The following KCTD16 variants were observed in gnomAD, a reference collection of about 807,000 sequenced individuals.
KCTD16 encodes BTB/POZ domain-containing protein KCTD16.
A neutral mutation model predicts 33.2 loss-of-function variants in KCTD16; 13 were observed. That is an observed-to-expected ratio of 0.39 (90% CI 0.25 to 0.62). The LOEUF (loss-of-function observed/expected upper bound fraction) is 0.62, where lower values mean the gene tolerates loss of function less well. Ranked by LOEUF, KCTD16 falls within the 20% of genes least tolerant of loss-of-function variation. The pLI is 0.50. For missense variants in KCTD16, 441 were observed against 525.1 expected (o/e 0.84, Z 1.57); for synonymous variants, 197 against 195.3 (o/e 1.01, Z -0.07).
At chr5:144,376,758 T>C (rs904559548) in intron 3 of KCTD16, among the ~76,000 whole-genome samples, 12 of 152,212 alleles carry the variant, frequency 7.9e-5, no homozygotes, top group African/African-American at 2.9e-4. Context: ...GGCTTTCTAA[T>C]GGAAACTGAT....
At chr5:144,299,183 T>TTA (rs1424083028) in intron 3 of KCTD16, among the ~76,000 whole-genome samples, 1 of 129,332 alleles carries the variant, frequency 7.7e-6, no homozygotes, top group Non-Finnish European at 1.6e-5. Flanking sequence ...CACTGAGCTG[T>TTA]TTAATGTTGC....
chr5:144,344,337 A>G (rs1160100250), intron 3 of KCTD16, among the ~76,000 whole-genome samples: 1 of 147,352 alleles, frequency 6.8e-6, no homozygotes, highest in Non-Finnish European at 1.5e-5. Context: ...AGCAATGGCA[A>G]CAAAAGCCAA....
intron 3 of KCTD16, among the ~76,000 whole-genome samples, chr5:144,436,388 T>C (rs931558401): frequency 1.3e-5 from 2 of 152,136 alleles, no homozygotes; most frequent in Admixed American, 6.5e-5. Flanking sequence ...TTCACTTTAT[T>C]TTAACCCTCT....
chr5:144,446,077 T>C (rs1275920558), intron 3 of KCTD16, among the ~76,000 whole-genome samples: 1 of 151,956 alleles, frequency 6.6e-6, no homozygotes, highest in African/African-American at 2.4e-5. Flanking sequence ...TGATTGTAGA[T>C]GATTTGTTCC....
intron 3 of KCTD16, among the ~76,000 whole-genome samples, chr5:144,263,156 T>C (rs1755057416): frequency 6.6e-6 from 1 of 152,234 alleles, no homozygotes; most frequent in South Asian, 2.1e-4. Flanking sequence ...ATCAGAAGAA[T>C]TGTAAACATT....
intron 3 of KCTD16, among the ~76,000 whole-genome samples, chr5:144,232,156 C>T (rs1754122086): frequency 6.6e-6 from 1 of 152,164 alleles, no homozygotes; most frequent in African/African-American, 2.4e-5. Context: ...ATTAACCCTT[C>T]ATTAAGAACA....
intron 3 of KCTD16, among the ~76,000 whole-genome samples, chr5:144,438,493 T>A (rs547155914): frequency 7.9e-5 from 12 of 152,202 alleles, no homozygotes; most frequent in Non-Finnish European, 1.3e-4. Context: ...AAGTTCCTAT[T>A]TCATAGTAGC....
At chr5:144,314,394 G>A (rs933546352) in intron 3 of KCTD16, among the ~76,000 whole-genome samples, 6 of 152,128 alleles carry the variant, frequency 3.9e-5, no homozygotes, top group African/African-American at 1.2e-4. Context: ...CACAAAATGA[G>A]TTCCTAGGCT....
chr5:144,378,836 C>T (rs1412588485), intron 3 of KCTD16, among the ~76,000 whole-genome samples: 3 of 152,192 alleles, frequency 2.0e-5, no homozygotes, highest in Admixed American at 6.6e-5. Flanking sequence ...CTTCTCTCTG[C>T]TTCACTGCAT....
At chr5:144,278,961 C>T (rs1755527881) in intron 3 of KCTD16, among the ~76,000 whole-genome samples, 1 of 152,186 alleles carries the variant, frequency 6.6e-6, no homozygotes, top group Admixed American at 6.5e-5. Context: ...AGATATCCCT[C>T]TACTTAAGTT....
chr5:144,205,154 A>G, intron 2 of KCTD16: 1 of 187,844 alleles, frequency 5.3e-6, no homozygotes. Flanking sequence ...TCCAGACTCC[A>G]GGACAGGACA....
rs150303445 is a variant in KCTD16, at chr5:144,250,201, C to T, written c.832+42655C>T. ...GTTGGTTCTAATATGTTCCACAAAC[C>T]ACAGCACTTTCTACAGTACTCATTG... On this transcript the variant is annotated intron_variant, in intron 3 of 3. Coordinates refer to ENST00000512467, the MANE Select transcript of KCTD16 (RefSeq NM_020768.4). Among the ~76,000 whole-genome samples, 193 of 152,212 alleles carry T rather than the reference C, an allele frequency of 1.3e-3. 5 individuals carry two copies. The East Asian group carries it at 0.031, about 25-fold the overall frequency.
intron 3 of KCTD16, among the ~76,000 whole-genome samples, chr5:144,420,246 A>G (rs1313618802): frequency 6.6e-6 from 1 of 152,098 alleles, no homozygotes; most frequent in Non-Finnish European, 1.5e-5. Flanking sequence ...CTACCTCAGC[A>G]GTTTACTGGT....
rs373882661 is a variant in KCTD16 at position 144,430,798 on chromosome 5, C to T, written c.833-42862C>T. Among the ~76,000 whole-genome samples the T allele has an allele frequency of 1.2e-3, 179 of 152,138 alleles. 1 individual carries two copies. Among genetic ancestry groups the T allele is most frequent in the South Asian group, 0.01 (50 of 4,816 alleles). On this transcript the variant is annotated intron_variant, in intron 3 of 3. Coordinates refer to ENST00000512467, the MANE Select transcript of KCTD16 (RefSeq NM_020768.4). The stretch of plus-strand genomic sequence containing the variant: ...GATACTGATCCAGCCTCCCATCTCT[C>T]CAACCAAACAGAAGGTCTCTCAATT...
intron 3 of KCTD16, among the ~76,000 whole-genome samples, chr5:144,464,574 T>C (rs1055851056): frequency 5.3e-5 from 8 of 152,192 alleles, no homozygotes; most frequent in African/African-American, 1.9e-4. Flanking sequence ...ACTTAGAGTG[T>C]TATTAGAATA....
intron 2 of KCTD16, among the ~76,000 whole-genome samples, chr5:144,196,091 T>G (rs1752934088): frequency 6.6e-6 from 1 of 152,154 alleles, no homozygotes; most frequent in African/African-American, 2.4e-5. Flanking sequence ...CATAAATATT[T>G]GAGTAAATGA....
At chr5:144,417,704 C>CT (rs1446203199) in intron 3 of KCTD16, among the ~76,000 whole-genome samples, 1 of 151,990 alleles carries the variant, frequency 6.6e-6, no homozygotes, top group Non-Finnish European at 1.5e-5. Flanking sequence ...TAGTTCTATG[C>CT]TTTTTTGCAA....
At chr5:144,364,134 A>G (rs1751779247) in intron 3 of KCTD16, among the ~76,000 whole-genome samples, 2 of 152,194 alleles carry the variant, frequency 1.3e-5, no homozygotes, top group African/African-American at 4.8e-5. Context: ...AACATAAGCA[A>G]CAAAATCATG....
rs75200736 is a variant in KCTD16, at chr5:144,340,359, G to A, written c.832+132813G>A. On this transcript the variant is annotated intron_variant, in intron 3 of 3. Coordinates refer to ENST00000512467, the MANE Select transcript of KCTD16 (RefSeq NM_020768.4). ...GTAGCTTGCAGTGAGCCTAGAGTGC[G>A]TCACTGCACTCCAGCCTGGGTGACA... 1.9e-4 allele frequency among the ~76,000 whole-genome samples: 27 copies of A among 144,930 alleles called. No individual in the cohort carries two copies. In the East Asian group the frequency reaches 3.5e-3, roughly 19 times the overall value.
Sources: allele counts gnomAD v4.1 joint callset (sites outside exome capture counted in the v4.1 genomes callset), GRCh38; gene constraint gnomAD v4.1.1; transcripts MANE v1.5; gene names NCBI Gene and HGNC (gene_info 2026-07-23, HGNC 2026-07-21).